Variants in CUL5 observed in about 807,000 individuals in gnomAD.
CUL5 encodes cullin-5.
Under a neutral mutation model 108.8 loss-of-function variants are expected in CUL5, and 26 were observed. That is an observed-to-expected ratio of 0.24 (90% CI 0.18 to 0.33). CUL5 has a LOEUF of 0.33. Ranked by LOEUF, CUL5 falls within the 10% of genes least tolerant of loss-of-function variation. The pLI is 1.00. For synonymous variants in CUL5, 334 were observed against 298.0 expected (o/e 1.12, Z -1.25); for missense variants, 524 against 909.2 (o/e 0.58, Z 5.45).
chr11:108,024,529 CAT>C (rs1236581798), intron 1 of CUL5, among the ~76,000 whole-genome samples: 4 of 152,194 alleles, frequency 2.6e-5, no homozygotes, highest in African/African-American at 4.8e-5. Context: ...CAGCACCTAA[CAT>C]GTAACAGTCA....
chr11:108,059,713 C>CT (rs1863486954), intron 7 of CUL5, among the ~76,000 whole-genome samples: 1 of 151,314 alleles, frequency 6.6e-6, no homozygotes, highest in African/African-American at 2.4e-5. Context: ...CCTGTCTCTA[C>CT]TAAAAAAAAA....
chr11:108,029,547 T>C (rs1359653718), intron 1 of CUL5, among the ~76,000 whole-genome samples: 1 of 152,216 alleles, frequency 6.6e-6, no homozygotes, highest in African/African-American at 2.4e-5. Context: ...CTTTTTCTTA[T>C]TAATAAGGCA....
At chr11:108,009,408 G>C (rs1862001981) in intron 1 of CUL5, 36 bp downstream of exon 1, 8 of 1,612,190 alleles carry the variant, frequency 5.0e-6, no homozygotes, top group Non-Finnish European at 6.8e-6. Flanking sequence ...TTTACTGTGT[G>C]GCCGCCGGGT....
At chr11:108,026,229 G>A (rs1591279331) in intron 1 of CUL5, among the ~76,000 whole-genome samples, 3 of 152,168 alleles carry the variant, frequency 2.0e-5, no homozygotes, top group South Asian at 4.1e-4. Flanking sequence ...TTCAGTGCCA[G>A]TACCTGTGCA....
intron 16 of CUL5, among the ~76,000 whole-genome samples, chr11:108,096,740 A>G (rs992001315): frequency 6.6e-6 from 1 of 151,450 alleles, no homozygotes; most frequent in Non-Finnish European, 1.5e-5. Context: ...CTAATTTTAT[A>G]TTTTTAGTGG....
chr11:108,049,124 A>T (rs553057677), intron 3 of CUL5, among the ~76,000 whole-genome samples: 1 of 152,270 alleles, frequency 6.6e-6, no homozygotes, highest in South Asian at 2.1e-4. Flanking sequence ...AAGAAATCCT[A>T]TACCTATGAA....
intron 16 of CUL5, 101 bp from the exon 17 acceptor site, chr11:108,097,535 T>C: frequency 4.6e-6 from 3 of 651,984 alleles, no homozygotes; most frequent in Non-Finnish European, 8.1e-6. Context: ...TAAGTTTGTG[T>C]TTGTAATCTT....
rs1413551781 is a variant in CUL5, at chr11:108,104,183, C to A, written c.2149-7C>A. 1.3e-6 allele frequency: 2 copies of A among 1,519,556 alleles called. No individual in the cohort carries two copies. Among genetic ancestry groups the A allele is most frequent in the South Asian group, 2.5e-5 (2 of 80,378 alleles). 94.1% of individuals were successfully genotyped at this position (1,519,556 alleles called of 1,614,324 possible). A position where few individuals can be genotyped will look rare whatever the true frequency, so the allele number is the denominator to read the frequency against. ...TAATGCGCTTTTATTTTTATTTTTT[C>A]TTTTAGGAAGCTATCATACAAATAA... On this transcript the variant is annotated splice_region_variant and splice_polypyrimidine_tract_variant and intron_variant, in intron 18 of 18. Coordinates refer to ENST00000393094, the MANE Select transcript of CUL5 (RefSeq NM_003478.6).
intron 18 of CUL5, among the ~76,000 whole-genome samples, chr11:108,102,258 G>T (rs1302690716): frequency 2.0e-5 from 3 of 151,988 alleles, no homozygotes; most frequent in Non-Finnish European, 4.4e-5. Context: ...TCGAACTCCT[G>T]ACTTCGTAAT....
intron 5 of CUL5, among the ~76,000 whole-genome samples, chr11:108,054,258 A>G (rs1473166308): frequency 6.6e-6 from 1 of 152,084 alleles, no homozygotes; most frequent in Non-Finnish European, 1.5e-5. Flanking sequence ...CACTTAGACA[A>G]CCTAGTCATA....
chr11:108,080,596 A>G (rs1864054720), intron 11 of CUL5, among the ~76,000 whole-genome samples: 2 of 152,040 alleles, frequency 1.3e-5, no homozygotes, highest in Non-Finnish European at 2.9e-5. Context: ...GAGTTTCACC[A>G]TGTTGACCAG....
chr11:108,020,253 A>T (rs1467371123), intron 1 of CUL5, among the ~76,000 whole-genome samples: 1 of 152,192 alleles, frequency 6.6e-6, no homozygotes, highest in Admixed American at 6.5e-5. Context: ...AAATAGCCTC[A>T]GTCAGGTCCT....
At chr11:108,060,526 A>G (rs1400104972) in intron 7 of CUL5, among the ~76,000 whole-genome samples, 1 of 152,160 alleles carries the variant, frequency 6.6e-6, no homozygotes, top group African/African-American at 2.4e-5. Context: ...ATAATTATGC[A>G]AATTGAATAC....
chr11:108,043,448 C>G (rs1307662762), intron 2 of CUL5, among the ~76,000 whole-genome samples: 1 of 152,150 alleles, frequency 6.6e-6, no homozygotes, highest in African/African-American at 2.4e-5. Flanking sequence ...GTCATTTAAT[C>G]ATTTTGTAAT....
At chr11:108,024,499 GTAAAGTGTTTGGAACAGTACAGCACC>G in intron 1 of CUL5, among the ~76,000 whole-genome samples, 1 of 152,188 alleles carries the variant, frequency 6.6e-6, no homozygotes, top group Non-Finnish European at 1.5e-5. Flanking sequence ...ATTCATACTT[GTAAAGTGTTTGGAACAGTACAGCACC>G]TAACATGTAA....
intron 18 of CUL5, among the ~76,000 whole-genome samples, chr11:108,101,003 TGGCAACAGA>T (rs1191546057): frequency 6.6e-6 from 1 of 152,168 alleles, no homozygotes; most frequent in Non-Finnish European, 1.5e-5. Flanking sequence ...CACTCCAGCC[TGGCAACAGA>T]GCAAGACTCC....
chr11:108,024,432 T>C (rs1299068505), intron 1 of CUL5, among the ~76,000 whole-genome samples: 1 of 152,048 alleles, frequency 6.6e-6, no homozygotes, highest in Admixed American at 6.6e-5. Flanking sequence ...CAAAAAATAA[T>C]AATAATAATA....
chr11:108,053,582 T>C (rs1008994416), intron 5 of CUL5, among the ~76,000 whole-genome samples: 3 of 152,204 alleles, frequency 2.0e-5, no homozygotes, highest in Admixed American at 1.3e-4. Flanking sequence ...AATCATCTTA[T>C]TGCTGTTGTT....
At chr11:108,018,057 A>G (rs1398677884) in intron 1 of CUL5, among the ~76,000 whole-genome samples, 1 of 152,168 alleles carries the variant, frequency 6.6e-6, no homozygotes, top group Non-Finnish European at 1.5e-5. Context: ...CTCATAGCCA[A>G]TCAGAGTGTC....
Sources: gnomAD v4.1 joint callset for allele counts (sites outside exome capture counted in the v4.1 genomes callset) on GRCh38, gnomAD v4.1.1 for gene constraint, MANE v1.5 for transcripts, NCBI Gene and HGNC (gene_info 2026-07-23, HGNC 2026-07-21) for gene names.